Variants in LY86 observed in about 807,000 individuals in gnomAD.
LY86 encodes lymphocyte antigen 86.
In LY86, 20 loss-of-function variants were observed where a neutral mutation model predicts 17.3. The observed-to-expected ratio is 1.15, with a 90% CI of 0.81 to 1.68. The LOEUF is 1.68. Among genes scored for constraint, LY86 ranks in the 40% most tolerant of loss-of-function variants. The pLI is 0.00. For synonymous variants in LY86, 74 were observed against 70.6 expected (o/e 1.05, Z -0.24); for missense variants, 200 against 191.9 (o/e 1.04, Z -0.25).
At chr6:6,605,828 T>C (rs140489696) in intron 1 of LY86, among the ~76,000 whole-genome samples, 10 of 150,856 alleles carry the variant, frequency 6.6e-5, no homozygotes, top group Non-Finnish European at 1.3e-4. Context: ...CTGGCTGACT[T>C]TCCCGGTGAA....
rs572463244 is a variant in LY86 at position 6,640,628 on chromosome 6, A to G, written c.353-8997A>G. On this transcript the variant is annotated intron_variant, in intron 3 of 4. Transcript: ENST00000230568. ...CTTGGGAGGCTGAGGCAGGAGGATC[A>G]CTTGAGCCCAGGAATTTAAGGCTGT... Among the ~76,000 whole-genome samples, 6 of 152,074 alleles carry G rather than the reference A, an allele frequency of 3.9e-5. No homozygotes were observed. The South Asian group carries it at 1.2e-3, about 32-fold the overall frequency.
intron 1 of LY86, among the ~76,000 whole-genome samples, chr6:6,605,753 G>C (rs1268865245): frequency 7.2e-5 from 11 of 152,318 alleles, no homozygotes; most frequent in Admixed American, 2.0e-4. Flanking sequence ...AGTGTGTCCA[G>C]AACTTATTCT....
chr6:6,638,531 T>A (rs564487340), intron 3 of LY86, among the ~76,000 whole-genome samples: 2 of 152,366 alleles, frequency 1.3e-5, no homozygotes, highest in South Asian at 2.1e-4. Context: ...CAGCCATATT[T>A]CAAGCTCCTA....
chr6:6,631,004 T>C (rs1055266460), intron 3 of LY86, among the ~76,000 whole-genome samples: 1 of 152,134 alleles, frequency 6.6e-6, no homozygotes. Context: ...AATGATAAGA[T>C]ATTAATATTA....
chr6:6,606,292 G>A (rs1761141519), intron 1 of LY86, among the ~76,000 whole-genome samples: 1 of 152,084 alleles, frequency 6.6e-6, no homozygotes, highest in South Asian at 2.1e-4. Flanking sequence ...AGTGTCGATT[G>A]GTGCATTCAC....
chr6:6,640,729 CA>C (rs199716443), intron 3 of LY86, among the ~76,000 whole-genome samples: 12 of 137,014 alleles, frequency 8.8e-5, no homozygotes, highest in South Asian at 4.7e-4. Context: ...CAAAACAAAA[CA>C]AAAAAAAAAG....
chr6:6,627,023 C>T (rs1761802013), intron 3 of LY86, among the ~76,000 whole-genome samples: 1 of 152,114 alleles, frequency 6.6e-6, no homozygotes, highest in Non-Finnish European at 1.5e-5. Flanking sequence ...CCCACCTGTC[C>T]CCACCTCTCC....
At chr6:6,598,233 A>G (rs533120618) in intron 1 of LY86, among the ~76,000 whole-genome samples, 4 of 152,294 alleles carry the variant, frequency 2.6e-5, no homozygotes, top group South Asian at 2.1e-4. Flanking sequence ...GATTTTTTTA[A>G]TTTGTCTTAT....
At chr6:6,606,994 C>T (rs769476235) in intron 1 of LY86, among the ~76,000 whole-genome samples, 2 of 152,256 alleles carry the variant, frequency 1.3e-5, no homozygotes, top group Non-Finnish European at 2.9e-5. Context: ...CTCTCACTAC[C>T]GCTTAGAAGC....
chr6:6,605,390 A>T (rs76434201), intron 1 of LY86, among the ~76,000 whole-genome samples: 1,805 of 152,290 alleles, frequency 0.012, 37 homozygotes, highest in African/African-American at 0.039. Flanking sequence ...CTGCTTCCAA[A>T]CTCATGTGAG....
intron 2 of LY86, among the ~76,000 whole-genome samples, chr6:6,625,390 G>A (rs927044794): frequency 2.0e-5 from 3 of 152,140 alleles, no homozygotes; most frequent in Non-Finnish European, 4.4e-5. Context: ...CAGCGGTACG[G>A]TTTGTCATTT....
intron 3 of LY86, among the ~76,000 whole-genome samples, chr6:6,627,671 G>T (rs572485428): frequency 6.6e-6 from 1 of 152,100 alleles, no homozygotes; most frequent in African/African-American, 2.4e-5. Flanking sequence ...ACAGACACAC[G>T]CAGAGCAAAA....
chr6:6,625,111 C>A (rs1347778774), intron 2 of LY86, 99 bp downstream of exon 2: 2 of 568,556 alleles, frequency 3.5e-6, no homozygotes, highest in Non-Finnish European at 6.2e-6. Context: ...ACTGGCTAAA[C>A]TACTGTTCCC....
chr6:6,596,175 CAATT>C (rs1411326289), intron 1 of LY86, among the ~76,000 whole-genome samples: 1 of 152,130 alleles, frequency 6.6e-6, no homozygotes, highest in Non-Finnish European at 1.5e-5. Context: ...CCAAACGGGA[CAATT>C]AATCAGACTT....
chr6:6,605,781 G>A (rs1761106104), intron 1 of LY86, among the ~76,000 whole-genome samples: 1 of 152,178 alleles, frequency 6.6e-6, no homozygotes, highest in Admixed American at 6.5e-5. Flanking sequence ...GCTGGGATGT[G>A]TTCAGTTTCT....
chr6:6,606,290 T>C (rs374514261), intron 1 of LY86, among the ~76,000 whole-genome samples: 3 of 152,118 alleles, frequency 2.0e-5, no homozygotes, highest in East Asian at 1.9e-4. Context: ...AGAGTGTCGA[T>C]TGGTGCATTC....
chr6:6,630,654 A>G (rs149171491), intron 3 of LY86, among the ~76,000 whole-genome samples: 46 of 152,366 alleles, frequency 3.0e-4, no homozygotes, highest in African/African-American at 1.1e-3. Context: ...CAATGCCGAT[A>G]GAACCCCTGT....
At chr6:6,645,616 T>C (rs2113161428) in intron 3 of LY86, among the ~76,000 whole-genome samples, 1 of 152,070 alleles carries the variant, frequency 6.6e-6, no homozygotes, top group South Asian at 2.1e-4. Context: ...TTGTAGAATA[T>C]ACCTGCATAA....
intron 3 of LY86, among the ~76,000 whole-genome samples, chr6:6,644,181 C>A (rs1217992127): frequency 6.6e-6 from 1 of 152,212 alleles, no homozygotes; most frequent in East Asian, 1.9e-4. Context: ...TTCATGCAGT[C>A]AGCAGGCTGC....
Sources: gnomAD v4.1 joint callset for allele counts (sites outside exome capture counted in the v4.1 genomes callset) on GRCh38, gnomAD v4.1.1 for gene constraint, MANE v1.5 for transcripts, NCBI Gene and HGNC (gene_info 2026-07-23, HGNC 2026-07-21) for gene names.